The following HERC4 variants were observed in gnomAD, a reference collection of about 807,000 sequenced individuals.
HERC4 encodes probable E3 ubiquitin-protein ligase HERC4.
Under a neutral mutation model 124.3 loss-of-function variants are expected in HERC4, and 28 were observed. The observed-to-expected ratio is 0.23, with a 90% confidence interval of 0.17 to 0.31. The LOEUF is 0.31. Among genes scored for constraint, HERC4 ranks in the 10% least tolerant of loss-of-function variants. The pLI is 1.00. For missense variants in HERC4, 713 were observed against 1,229.3 expected, an observed-to-expected ratio of 0.58 and a Z score of 6.28; for synonymous variants, 407 against 421.5, an observed-to-expected ratio of 0.97 and a Z score of 0.42.
intron 15 of HERC4, among the ~76,000 whole-genome samples, chr10:67,987,035 C>CATGA (rs1221836544): frequency 6.6e-6 from 1 of 152,136 alleles, no homozygotes; most frequent in Admixed American, 6.5e-5. Context: ...AGAGTATTCA[C>CATGA]ATGAACTACA....
chr10:67,922,675 A>G lies in HERC4; in HGVS notation c.*256T>C, dbSNP rs917891514. On this transcript the variant is annotated 3_prime_UTR_variant, in exon 25 of 25. Transcript: ENST00000373700. Reference sequence around the variant, plus strand: ...CAAACTCTTAAAATTCATGTTAGTAAAACTTTAATGTATTCATAATACTTG... The same window carrying G: ...CAAACTCTTAAAATTCATGTTAGTAGAACTTTAATGTATTCATAATACTTG... The G allele has an allele frequency of 1.7e-5, 4 of 234,808 alleles. No individual in the cohort carries two copies. The highest frequency in any genetic ancestry group is 5.3e-5 in the Admixed American group (1 of 19,044). 14.5% of individuals were successfully genotyped at this position (234,808 alleles called of 1,614,324 possible).
chr10:68,059,826 A>ATTATATATTATAATATTATATATC lies in HERC4; in HGVS notation c.226+13056_226+13057insGATATATAATATTATAATATATAA, dbSNP rs1564609678. Among the ~76,000 whole-genome samples, 123 of 62,750 alleles carry ATTATATATTATAATATTATATATC rather than the reference A, an allele frequency of 2.0e-3. 19 individuals are homozygous for ATTATATATTATAATATTATATATC. The African/African-American group carries it at 0.02, about 10-fold the overall frequency. The allele number at this position is 62,750 out of a possible 152,430, so 41.2% of individuals were successfully genotyped here. On this transcript the variant is annotated intron_variant, in intron 3 of 24. Coordinates refer to ENST00000373700, the MANE Select transcript of HERC4 (RefSeq NM_015601.4). ...TATATATTATAATATTATATATCATAATATTATATATTATAATATATTATA... is the reference window on the plus strand; with the variant it reads ...TATATATTATAATATTATATATCATATTATATATTATAATATTATATATCATATTATATATTATAATATATTATA...
chr10:67,978,222 T>C (rs769790448), intron 15 of HERC4, among the ~76,000 whole-genome samples: 1 of 152,128 alleles, frequency 6.6e-6, no homozygotes. Flanking sequence ...GAGCTGAGAT[T>C]GCGTCACTGC....
intron 8 of HERC4, among the ~76,000 whole-genome samples, chr10:68,017,168 T>C (rs1318349178): frequency 2.0e-5 from 3 of 152,212 alleles, no homozygotes; most frequent in African/African-American, 7.2e-5. Context: ...GTTTGCCTTC[T>C]TGTGTATTTG....
chr10:67,986,802 T>C (rs1347174355), intron 15 of HERC4, among the ~76,000 whole-genome samples: 2 of 152,194 alleles, frequency 1.3e-5, no homozygotes, highest in Non-Finnish European at 2.9e-5. Context: ...ACAGAGGGGT[T>C]AGAAATATGA....
intron 8 of HERC4, among the ~76,000 whole-genome samples, chr10:68,021,436 T>A (rs183064752): frequency 6.6e-6 from 1 of 152,290 alleles, no homozygotes. Context: ...TCCTGTAAGA[T>A]CAGGAATAAG....
chr10:67,922,742 G>C lies in HERC4; in HGVS notation c.*189C>G. 2.2e-6 allele frequency: 1 copy of C among 457,300 alleles called. No homozygotes were observed. Among genetic ancestry groups the C allele is most frequent in the South Asian group, 3.8e-5 (1 of 26,290 alleles). 28.3% of individuals were successfully genotyped at this position (457,300 alleles called of 1,614,324 possible). On this transcript the variant is annotated 3_prime_UTR_variant, in exon 25 of 25. Transcript: ENST00000373700. ...ATGGTCAAAAAAAATCCATGGTTCTGTACAATAATATTAACAGTTTGTTCA... is the reference window on the plus strand; with the variant it reads ...ATGGTCAAAAAAAATCCATGGTTCTCTACAATAATATTAACAGTTTGTTCA...
chr10:68,059,500 ATAT>A (rs1327830930), intron 3 of HERC4, among the ~76,000 whole-genome samples: 29 of 119,340 alleles, frequency 2.4e-4, no homozygotes, highest in South Asian at 5.0e-4. Context: ...ATAACATTAT[ATAT>A]TATAATATTA....
chr10:68,047,484 G>A (rs933179686), intron 3 of HERC4, among the ~76,000 whole-genome samples: 21 of 152,260 alleles, frequency 1.4e-4, no homozygotes, highest in Middle Eastern at 6.8e-3. Context: ...TGATAAAGAA[G>A]TATTAATCCA....
intron 3 of HERC4, 129 bp downstream of exon 3, chr10:68,072,754 T>C: frequency 6.5e-6 from 4 of 617,790 alleles, no homozygotes; most frequent in Non-Finnish European, 1.1e-5. Context: ...ATAATGGAAA[T>C]ACATAACTTC....
At chr10:68,032,024 T>C (rs534469335) in intron 7 of HERC4, among the ~76,000 whole-genome samples, 124 of 152,214 alleles carry the variant, frequency 8.1e-4, no homozygotes, top group Non-Finnish European at 1.5e-3. Flanking sequence ...AGTGCTGGGA[T>C]TACAGGCATG....
intron 15 of HERC4, among the ~76,000 whole-genome samples, chr10:67,976,186 T>C (rs188803096): frequency 3.3e-5 from 5 of 152,282 alleles, no homozygotes; most frequent in African/African-American, 1.2e-4. Context: ...AGAAAAAGTT[T>C]GCAGGTCCTA....
chr10:67,930,463 AT>A (rs2132020260), intron 23 of HERC4, among the ~76,000 whole-genome samples: 1 of 152,270 alleles, frequency 6.6e-6, no homozygotes, highest in South Asian at 2.1e-4. Flanking sequence ...CATATAGCAA[AT>A]GTATGTTTAA....
chr10:68,004,941 A>G (rs911603194), intron 9 of HERC4, among the ~76,000 whole-genome samples: 4 of 152,230 alleles, frequency 2.6e-5, no homozygotes, highest in African/African-American at 9.6e-5. Flanking sequence ...GTGGGGGCAC[A>G]AAGCCTAACC....
At chr10:68,028,007 T>A (rs987700711) in intron 7 of HERC4, among the ~76,000 whole-genome samples, 57 of 147,290 alleles carry the variant, frequency 3.9e-4, no homozygotes, top group Non-Finnish European at 7.0e-4. Flanking sequence ...TATATATATA[T>A]AATAAAAATA....
At chr10:68,027,724 G>GC (rs2038976323) in intron 7 of HERC4, among the ~76,000 whole-genome samples, 1 of 151,978 alleles carries the variant, frequency 6.6e-6, no homozygotes, top group Non-Finnish European at 1.5e-5. Flanking sequence ...GGAGATCAAG[G>GC]CCATCCTGGC....
chr10:68,045,426 T>C (rs992900775), intron 3 of HERC4, among the ~76,000 whole-genome samples: 2 of 152,232 alleles, frequency 1.3e-5, no homozygotes, highest in African/African-American at 4.8e-5. Context: ...CTATTAGATA[T>C]GGTGAGTAGA....
At chr10:68,071,093 G>T (rs1023756934) in intron 3 of HERC4, among the ~76,000 whole-genome samples, 19 of 151,342 alleles carry the variant, frequency 1.3e-4, no homozygotes, top group African/African-American at 4.4e-4. Flanking sequence ...TGGTGTAATC[G>T]GGACAACAAT....
rs184038658 is a variant in HERC4 at position 67,938,291 on chromosome 10, A to G, written c.2571+1297T>C. Reference sequence around the variant, plus strand: ...CCTCATCTCTACTAAAAATACAAAAATTAGCTGGGTATGGTGGTGTGCACC... The same window carrying G: ...CCTCATCTCTACTAAAAATACAAAAGTTAGCTGGGTATGGTGGTGTGCACC... On this transcript the variant is annotated intron_variant, in intron 21 of 24. Transcript: ENST00000373700. Among the ~76,000 whole-genome samples the G allele has an allele frequency of 1.9e-3, 291 of 151,930 alleles. 2 individuals are homozygous for G. Among genetic ancestry groups the G allele is most frequent in the Admixed American group, 3.2e-3 (49 of 15,274 alleles).
Sources: gnomAD v4.1 joint callset for allele counts (sites outside exome capture counted in the v4.1 genomes callset) on GRCh38, gnomAD v4.1.1 for gene constraint, MANE v1.5 for transcripts, NCBI Gene and HGNC (gene_info 2026-07-23, HGNC 2026-07-21) for gene names.